Variants in NBL1 observed in about 807,000 individuals in gnomAD.
NBL1 encodes the protein NBL1, DAN family BMP antagonist, also known as neuroblastoma suppressor of tumorigenicity 1.
A neutral mutation model predicts 16.0 loss-of-function variants in NBL1; 9 were observed. The observed-to-expected ratio is 0.56, with a 90% CI of 0.34 to 0.98. The LOEUF (loss-of-function observed/expected upper bound fraction) is 0.98, where lower values mean the gene tolerates loss of function less well. NBL1 is among the 50% of genes least tolerant of loss of function. NBL1 has a pLI of 0.02. For missense variants in NBL1, 196 were observed against 243.1 expected, an observed-to-expected ratio of 0.81 and a Z score of 1.29; for synonymous variants, 86 against 100.7, an observed-to-expected ratio of 0.85 and a Z score of 0.87.
chr1:19,653,272 C>T (rs1272538686), intron 1 of NBL1, among the ~76,000 whole-genome samples: 5 of 124,292 alleles, frequency 4.0e-5, no homozygotes, highest in African/African-American at 6.4e-5. Flanking sequence ...GGCAACAGAG[C>T]GAGACTCCGT....
chr1:19,644,179 G>C, upstream of NBL1: 1 of 980,290 alleles, frequency 1.0e-6, no homozygotes, highest in Non-Finnish European at 1.2e-6. This position sits in a 1 kb window ranked among gnomAD's most constrained non-coding sequence, Gnocchi z 4.6. Context: ...GCACCCGGAG[G>C]GAGAGGCCGC....
At chr1:19,645,856 T>G (rs919601484) in intron 1 of NBL1, 2 of 1,517,288 alleles carry the variant, frequency 1.3e-6, no homozygotes, top group Non-Finnish European at 8.8e-7. Flanking sequence ...AGGCTGAGTT[T>G]AGCTGCTTCC....
At chr1:19,647,976 T>C (rs1454951634) in intron 1 of NBL1, among the ~76,000 whole-genome samples, 2 of 152,124 alleles carry the variant, frequency 1.3e-5, no homozygotes, top group African/African-American at 2.4e-5. Flanking sequence ...TGTTCTGCGT[T>C]CATAGGGGGC....
intron 1 of NBL1, among the ~76,000 whole-genome samples, chr1:19,647,880 TGTGCGTGTGCGC>T (rs1251309913): frequency 6.9e-6 from 1 of 144,240 alleles, no homozygotes; most frequent in Non-Finnish European, 1.5e-5. Flanking sequence ...TGTGTGTGTG[TGTGCGTGTGCGC>T]GCGTGTGTGT....
At chr1:19,656,758 G>A in intron 3 of NBL1, 108 bp from the exon 4 acceptor site, 1 of 1,443,586 alleles carries the variant, frequency 6.9e-7, no homozygotes, top group Non-Finnish European at 9.2e-7. Context: ...GGGCATCACA[G>A]GTGGGCTCTG....
chr1:19,649,050 T>A (rs1476191858), intron 1 of NBL1, among the ~76,000 whole-genome samples: 2 of 152,122 alleles, frequency 1.3e-5, no homozygotes, highest in East Asian at 3.9e-4. Flanking sequence ...TGGTGGGAGC[T>A]CCAGGCCTCA....
rs2094974140 is a variant in NBL1, at chr1:19,645,584, A to C, written c.-20+1138A>C. 2.9e-6 allele frequency: 3 copies of C among 1,020,306 alleles called. No individual in the cohort carries two copies. The African/African-American group carries it at 5.1e-5, about 17-fold the overall frequency. 63.2% of individuals were successfully genotyped at this position (1,020,306 alleles called of 1,614,324 possible). On this transcript the variant is annotated intron_variant, in intron 1 of 3. Transcript: ENST00000375136. ...CTGGCGGGGAAGCAATTTGTCAACA[A>C]GGAGCCCCTCACCCTTTGTTACTGC...
rs2095050719 is a variant in NBL1, at chr1:19,655,446, C to T, written c.282+11C>T. 3.1e-6 allele frequency: 5 copies of T among 1,613,192 alleles called. No homozygotes were observed. The highest frequency in any genetic ancestry group is 1.7e-5 in the Admixed American group (1 of 59,928). On this transcript the variant is annotated intron_variant, in intron 3 of 3. Transcript: ENST00000375136. Reference sequence around the variant, plus strand: ...TCCATGTGGGAGATTGTGAGTACTGCCTGCCTGCCCCACCCAGTCTCGGCC... The same window carrying T: ...TCCATGTGGGAGATTGTGAGTACTGTCTGCCTGCCCCACCCAGTCTCGGCC...
chr1:19,654,642 C>G (rs559000198), intron 1 of NBL1, among the ~76,000 whole-genome samples: 1 of 152,196 alleles, frequency 6.6e-6, no homozygotes, highest in Non-Finnish European at 1.5e-5. Flanking sequence ...TAATCGCAAT[C>G]CTGTGCCAGG....
At chr1:19,647,701 C>G in intron 1 of NBL1, 1 of 983,770 alleles carries the variant, frequency 1.0e-6, no homozygotes, top group African/African-American at 1.7e-5. Context: ...CAGCTGGGGC[C>G]AAGTGTGGGG....
At chr1:19,647,860 T>C (rs1050059873) in intron 1 of NBL1, among the ~76,000 whole-genome samples, 3 of 135,536 alleles carry the variant, frequency 2.2e-5, no homozygotes, top group Admixed American at 7.0e-5. Flanking sequence ...GGTGTGTGTG[T>C]GTGTGCGTGT....
At chr1:19,654,875 C>T (rs1383624899) in intron 1 of NBL1, 137 bp from the exon 2 acceptor site, 3 of 1,158,382 alleles carry the variant, frequency 2.6e-6, no homozygotes, top group Non-Finnish European at 3.5e-6. Flanking sequence ...AATAACTTGT[C>T]CAAAGTTGCA....
intron 1 of NBL1, among the ~76,000 whole-genome samples, chr1:19,649,487 T>C (rs796373138): frequency 2.1e-4 from 32 of 151,988 alleles, no homozygotes; most frequent in African/African-American, 7.7e-4. Flanking sequence ...GCCTCCTGAG[T>C]AGCTGGGACT....
Position 19,645,980 on chromosome 1 carries a change from T to C in NBL1, c.-20+1534T>C, listed in dbSNP as rs548051235. The C allele has an allele frequency of 3.2e-6, 5 of 1,550,448 alleles. No individual in the cohort carries two copies. The South Asian group carries it at 5.9e-5, about 18-fold the overall frequency. ...GCAGCCTGGCCCTGCAGCAGCTCAT[T>C]AGCATGGATTTGTTTTGGAGACTGT... On this transcript the variant is annotated intron_variant, in intron 1 of 3. Transcript: ENST00000375136.
chr1:19,645,647 C>T (rs2094974483), intron 1 of NBL1: 7 of 1,148,922 alleles, frequency 6.1e-6, no homozygotes, highest in Middle Eastern at 3.9e-4. Context: ...GATGCTGGGG[C>T]TGCTTGGGCG....
At chr1:19,648,100 A>G (rs1384103567) in intron 1 of NBL1, among the ~76,000 whole-genome samples, 2 of 152,000 alleles carry the variant, frequency 1.3e-5, no homozygotes, top group African/African-American at 4.8e-5. Flanking sequence ...GAATATTCAG[A>G]CTTAACCCAG....
chr1:19,651,948 TC>T (rs1286641294), intron 1 of NBL1, among the ~76,000 whole-genome samples: 10 of 152,186 alleles, frequency 6.6e-5, no homozygotes, highest in Admixed American at 6.5e-4. Flanking sequence ...TCACTTTGCT[TC>T]CCAGGCTAGT....
intron 1 of NBL1, among the ~76,000 whole-genome samples, chr1:19,649,269 T>C (rs1037559981): frequency 6.6e-6 from 1 of 152,114 alleles, no homozygotes; most frequent in Non-Finnish European, 1.5e-5. Flanking sequence ...ATCAGGCAGT[T>C]ATCATAGGAC....
chr1:19,643,415 C>G (rs777958738), upstream of NBL1: 13 of 1,612,912 alleles, frequency 8.1e-6, no homozygotes, highest in Non-Finnish European at 1.0e-5. This position sits in a 1 kb window ranked among gnomAD's most constrained non-coding sequence, Gnocchi z 4.7. Context: ...TGCTGTAAAG[C>G]AAAATCCCCA....
Sources: allele counts gnomAD v4.1 joint callset (sites outside exome capture counted in the v4.1 genomes callset), GRCh38; gene constraint gnomAD v4.1.1; non-coding constraint Gnocchi (gnomAD v3.1); transcripts MANE v1.5; gene names NCBI Gene and HGNC (gene_info 2026-07-23, HGNC 2026-07-21).